Variants in SEMA3A observed in about 807,000 individuals in gnomAD.
SEMA3A encodes the protein semaphorin-3A.
Under a neutral mutation model 97.9 loss-of-function variants are expected in SEMA3A, and 29 were observed. That is an observed-to-expected ratio of 0.30 (90% confidence interval 0.22 to 0.40). The LOEUF (loss-of-function observed/expected upper bound fraction) is 0.40. Ranked by LOEUF, SEMA3A falls within the 10% of genes least tolerant of loss-of-function variation. The pLI is 1.00. For synonymous variants in SEMA3A, 321 were observed against 323.7 expected (o/e 0.99, Z 0.09); for missense variants, 763 against 951.3 (o/e 0.80, Z 2.60).
At chr7:83,992,157 G>A (rs1232894535) in intron 12 of SEMA3A, among the ~76,000 whole-genome samples, 6 of 150,292 alleles carry the variant, frequency 4.0e-5, no homozygotes, top group African/African-American at 9.8e-5. Context: ...CTGTGGGATT[G>A]GTGGTGATAT....
At chr7:84,270,012 T>C (rs1164709898) in intron 3 of SEMA3A, among the ~76,000 whole-genome samples, 1 of 152,112 alleles carries the variant, frequency 6.6e-6, no homozygotes, top group Non-Finnish European at 1.5e-5. Context: ...TTCTCCTCTA[T>C]AAAACTTGTT....
chr7:83,969,808 A>G (rs1788847625), intron 15 of SEMA3A, among the ~76,000 whole-genome samples: 1 of 152,176 alleles, frequency 6.6e-6, no homozygotes, highest in African/African-American at 2.4e-5. Context: ...AAAATTCCAA[A>G]TAGGGAATAA....
chr7:84,050,749 A>T lies in SEMA3A; in HGVS notation c.548-4306T>A, dbSNP rs1015236272. Among the ~76,000 whole-genome samples the T allele has an allele frequency of 3.0e-4, 45 of 152,286 alleles. No homozygotes were observed. The Middle Eastern group carries it at 0.014, about 46-fold the overall frequency. On this transcript the variant is annotated intron_variant, in intron 5 of 16. Transcript: ENST00000265362. ...TTTGTTGATTTTGGCTTTTGTTGCC[A>T]TGGCTTTTGGTGTTTTAGACATGAA...
At chr7:84,014,949 G>C (rs1533998) in intron 6 of SEMA3A, among the ~76,000 whole-genome samples, 112,415 of 151,820 alleles carry the variant, frequency 0.74, 42,310 homozygotes, top group African/African-American at 0.88. Flanking sequence ...TATTTATCAT[G>C]ATTTCTTACC....
intron 3 of SEMA3A, among the ~76,000 whole-genome samples, chr7:84,266,820 A>G (rs915431071): frequency 6.6e-6 from 1 of 152,142 alleles, no homozygotes; most frequent in Non-Finnish European, 1.5e-5. Context: ...TAAGTATAAT[A>G]TAAGCATTAC....
At chr7:84,291,147 GC>G (rs2115784497) in intron 3 of SEMA3A, among the ~76,000 whole-genome samples, 1 of 151,978 alleles carries the variant, frequency 6.6e-6, no homozygotes, top group East Asian at 1.9e-4. Flanking sequence ...GATTTTTGTA[GC>G]ATCTCATTAT....
chr7:84,462,499 A>G (rs1433086346), intron 1 of SEMA3A, among the ~76,000 whole-genome samples: 1 of 152,174 alleles, frequency 6.6e-6, no homozygotes, highest in Admixed American at 6.5e-5. Context: ...GGATCATTAC[A>G]GACTCTTATT....
chr7:84,145,729 A>G (rs1796445784), intron 1 of SEMA3A, among the ~76,000 whole-genome samples: 1 of 152,218 alleles, frequency 6.6e-6, no homozygotes, highest in Non-Finnish European at 1.5e-5. Flanking sequence ...CACAAAATCT[A>G]CTGAAACAGT....
intron 1 of SEMA3A, among the ~76,000 whole-genome samples, chr7:84,470,522 G>A (rs569887692): frequency 6.6e-6 from 1 of 152,162 alleles, no homozygotes; most frequent in Admixed American, 6.5e-5. Flanking sequence ...CTGTGCCTTT[G>A]TGCATGGGTC....
At chr7:84,033,986 AT>A (rs35107072) in intron 6 of SEMA3A, among the ~76,000 whole-genome samples, 59,275 of 147,672 alleles carry the variant, frequency 0.4, 12,746 homozygotes, top group Non-Finnish European at 0.5. Flanking sequence ...TTTGTTTTTA[AT>A]TTTTTTTTTT....
intron 1 of SEMA3A, among the ~76,000 whole-genome samples, chr7:84,159,132 G>A (rs2116156673): frequency 6.6e-6 from 1 of 152,014 alleles, no homozygotes; most frequent in Non-Finnish European, 1.5e-5. Context: ...TAAAGAAAGG[G>A]ACTGCATATT....
At chr7:84,138,843 T>G (rs568926509) in intron 1 of SEMA3A, among the ~76,000 whole-genome samples, 1 of 152,224 alleles carries the variant, frequency 6.6e-6, no homozygotes, top group African/African-American at 2.4e-5. Context: ...TATCACCACT[T>G]TCCAGTGTGA....
chr7:83,995,022 G>A (rs1584521249), intron 12 of SEMA3A, among the ~76,000 whole-genome samples: 5 of 152,062 alleles, frequency 3.3e-5, no homozygotes, highest in South Asian at 4.2e-4. Flanking sequence ...CTCTTGGTGC[G>A]CCGTTTTTTA....
At chr7:84,323,267 A>G (rs1423936799) in intron 2 of SEMA3A, among the ~76,000 whole-genome samples, 1 of 152,320 alleles carries the variant, frequency 6.6e-6, no homozygotes, top group Non-Finnish European at 1.5e-5. Flanking sequence ...AAAAGTATCA[A>G]TACTCAAGAG....
At chr7:83,983,047 C>G (rs1035113895) in intron 13 of SEMA3A, among the ~76,000 whole-genome samples, 8 of 152,044 alleles carry the variant, frequency 5.3e-5, no homozygotes, top group African/African-American at 1.9e-4. Context: ...GCATATATTA[C>G]TAAGTGCTCA....
intron 1 of SEMA3A, among the ~76,000 whole-genome samples, chr7:84,427,373 C>G (rs1381172479): frequency 6.6e-6 from 1 of 151,954 alleles, no homozygotes; most frequent in African/African-American, 2.4e-5. Flanking sequence ...GAAGATTCGA[C>G]ATGAAAAACA....
At chr7:83,993,824 G>T (rs1388811623) in intron 12 of SEMA3A, among the ~76,000 whole-genome samples, 2 of 129,634 alleles carry the variant, frequency 1.5e-5, no homozygotes, top group African/African-American at 6.0e-5. Flanking sequence ...GAGTATCTTT[G>T]TGGCATTCTT....
intron 1 of SEMA3A, among the ~76,000 whole-genome samples, chr7:84,462,035 T>C (rs758293625): frequency 5.3e-5 from 8 of 152,136 alleles, no homozygotes; most frequent in Non-Finnish European, 1.0e-4. Context: ...AAGTCTCTTT[T>C]TGATATTTTT....
intron 1 of SEMA3A, among the ~76,000 whole-genome samples, chr7:84,156,260 T>G (rs1169934043): frequency 6.6e-6 from 1 of 152,126 alleles, no homozygotes; most frequent in Non-Finnish European, 1.5e-5. Context: ...TATAGCATTT[T>G]TTGCTTATGG....
Sources: gnomAD v4.1 joint callset for allele counts (sites outside exome capture counted in the v4.1 genomes callset) on GRCh38, gnomAD v4.1.1 for gene constraint, MANE v1.5 for transcripts, NCBI Gene and HGNC (gene_info 2026-07-23, HGNC 2026-07-21) for gene names.